Variants in XKR6 observed in about 807,000 individuals in gnomAD.
XKR6 encodes the protein XK related 6, also known as XK-related protein 6.
Under a neutral mutation model 56.7 loss-of-function variants are expected in XKR6, and 22 were observed. That is an observed-to-expected ratio of 0.39 (90% confidence interval 0.28 to 0.55). The LOEUF is 0.55. XKR6 is among the 20% of genes least tolerant of loss of function. The probability of loss-of-function intolerance (pLI) is 0.66; values close to 1 mark genes in which losing one functional copy is unlikely to be tolerated. For synonymous variants in XKR6, 524 were observed against 387.8 expected (o/e 1.35, Z -4.13); for missense variants, 852 against 889.0 (o/e 0.96, Z 0.53).
chr8:11,107,979 C>A (rs989038588), intron 1 of XKR6: 3 of 310,940 alleles, frequency 9.6e-6, no homozygotes, highest in African/African-American at 6.7e-5. Flanking sequence ...TCCACTCGGT[C>A]CCAATATTAG....
intron 1 of XKR6, chr8:11,128,942 G>T: frequency 2.2e-6 from 1 of 456,650 alleles, no homozygotes. Context: ...CTTTAATAAA[G>T]CAGCCAGAAA....
At chr8:11,014,719 G>A (rs2129146842) in intron 1 of XKR6, among the ~76,000 whole-genome samples, 1 of 152,306 alleles carries the variant, frequency 6.6e-6, no homozygotes, top group African/African-American at 2.4e-5. Flanking sequence ...TGGATCCTCT[G>A]TTAGTCATAA....
At chr8:11,103,492 A>T (rs1215116461) in intron 1 of XKR6, among the ~76,000 whole-genome samples, 1 of 152,256 alleles carries the variant, frequency 6.6e-6, no homozygotes, top group East Asian at 1.9e-4. Context: ...AAACTACCTG[A>T]CAATGATCTC....
intron 1 of XKR6, among the ~76,000 whole-genome samples, chr8:11,152,626 A>T (rs2409715): frequency 0.47 from 71,943 of 152,038 alleles, 18,898 homozygotes; most frequent in African/African-American, 0.68. Flanking sequence ...TCATTCTAAT[A>T]TCAATAACAC....
intron 1 of XKR6, among the ~76,000 whole-genome samples, chr8:11,183,668 G>A (rs186907524): frequency 3.5e-4 from 54 of 152,168 alleles, no homozygotes; most frequent in Middle Eastern, 3.4e-3. Flanking sequence ...ATCTGTGCTA[G>A]TCAAAATAAA....
intron 1 of XKR6, chr8:11,123,792 T>C (rs749913885): frequency 5.3e-5 from 24 of 449,288 alleles, no homozygotes; most frequent in South Asian, 3.7e-4. Flanking sequence ...TCTCCTCATC[T>C]CAGTGTAATG....
intron 1 of XKR6, among the ~76,000 whole-genome samples, chr8:10,983,819 C>G (rs1177600181): frequency 6.6e-6 from 1 of 152,062 alleles, no homozygotes; most frequent in Non-Finnish European, 1.5e-5. Flanking sequence ...CCATGCCCGG[C>G]TAATTTTTTG....
rs114069941 is a variant in XKR6 at position 11,143,333 on chromosome 8, G to C, written c.764+57243C>G. Among the ~76,000 whole-genome samples, 892 of 152,268 alleles carry C rather than the reference G, an allele frequency of 5.9e-3. 11 individuals carry two copies. Among genetic ancestry groups the C allele is most frequent in the African/African-American group, 0.021 (861 of 41,550 alleles). On this transcript the variant is annotated intron_variant, in intron 1 of 2. Transcript: ENST00000416569. ...AGCCTGGGTGACATGGCAAGACCAA[G>C]TCCCTTCTTTAAAACACACAAAAAA...
At chr8:11,080,750 G>A (rs6980856) in intron 1 of XKR6, among the ~76,000 whole-genome samples, 87,048 of 152,214 alleles carry the variant, frequency 0.57, 28,211 homozygotes, top group African/African-American at 0.86. Flanking sequence ...CCTAGTCAGA[G>A]GGACACTACC....
chr8:10,924,897 C>CGGAT, intron 1 of XKR6, 67 bp from the exon 2 acceptor site: 6 of 1,511,454 alleles, frequency 4.0e-6, no homozygotes, highest in Non-Finnish European at 5.4e-6. Flanking sequence ...GGACCCTTGC[C>CGGAT]ATCCCCCTAA....
intron 1 of XKR6, among the ~76,000 whole-genome samples, chr8:11,009,696 T>C (rs1270625458): frequency 6.6e-6 from 1 of 151,762 alleles, no homozygotes. Flanking sequence ...TCTAGAGGAG[T>C]CTGTGGAGAC....
chr8:10,920,212 C>G (rs1309295136), intron 2 of XKR6, among the ~76,000 whole-genome samples: 3 of 152,110 alleles, frequency 2.0e-5, no homozygotes, highest in African/African-American at 7.2e-5. Context: ...CGGTGAGCCA[C>G]AGGTCTCACC....
At position 11,072,812 on chromosome 8, in the gene XKR6, G is replaced by A. The variant is rs576976657; in HGVS notation, c.764+127764C>T. On this transcript the variant is annotated intron_variant, in intron 1 of 2. Transcript: ENST00000416569. ...AAGCCTATAATCCCAGCACTTTGGA[G>A]ACCAAGGCGGGTGGATCACTTGAGG... is the stretch of plus-strand genomic sequence containing the variant. Among the ~76,000 whole-genome samples the A allele has an allele frequency of 2.6e-3, 396 of 151,394 alleles. 3 individuals are homozygous for A. Among genetic ancestry groups the A allele is most frequent in the South Asian group, 0.015 (72 of 4,762 alleles).
At chr8:10,912,335 T>TAC (rs1216894809) in intron 2 of XKR6, among the ~76,000 whole-genome samples, 1 of 97,930 alleles carries the variant, frequency 1.0e-5, no homozygotes, top group Non-Finnish European at 2.1e-5. Context: ...TATATATATA[T>TAC]ATATATATGG....
chr8:11,061,741 G>A (rs148543760), intron 1 of XKR6, among the ~76,000 whole-genome samples: 2 of 152,278 alleles, frequency 1.3e-5, no homozygotes, highest in Admixed American at 6.5e-5. Flanking sequence ...AGCCCAGGAC[G>A]AGGCCAGCCC....
chr8:10,905,703 G>A (rs1427395260), intron 2 of XKR6, among the ~76,000 whole-genome samples: 2 of 152,094 alleles, frequency 1.3e-5, no homozygotes, highest in African/African-American at 2.4e-5. Flanking sequence ...ACATTTGGGG[G>A]ATCTCCACCA....
At chr8:11,052,702 TCC>T (rs888754855) in intron 1 of XKR6, among the ~76,000 whole-genome samples, 5 of 151,184 alleles carry the variant, frequency 3.3e-5, no homozygotes, top group African/African-American at 1.2e-4. Flanking sequence ...TCTCCTCTCT[TCC>T]CCACCCCCAC....
At chr8:11,176,130 G>C (rs1365523346) in intron 1 of XKR6, among the ~76,000 whole-genome samples, 2 of 152,144 alleles carry the variant, frequency 1.3e-5, no homozygotes, top group African/African-American at 4.8e-5. Flanking sequence ...TCACTGACCT[G>C]TGCTTAGCAT....
chr8:11,039,792 C>G (rs1799238652), intron 1 of XKR6, among the ~76,000 whole-genome samples: 1 of 152,206 alleles, frequency 6.6e-6, no homozygotes, highest in Admixed American at 6.5e-5. Context: ...CCGGCCCTAC[C>G]TGGGCATACA....
Sources: allele counts gnomAD v4.1 joint callset (sites outside exome capture counted in the v4.1 genomes callset), GRCh38; gene constraint gnomAD v4.1.1; transcripts MANE v1.5; gene names NCBI Gene and HGNC (gene_info 2026-07-23, HGNC 2026-07-21).